RIMS2: variants seen among roughly 807,000 people sequenced by gnomAD.
RIMS2 encodes regulating synaptic membrane exocytosis 2, also known as regulating synaptic membrane exocytosis protein 2.
Under a neutral mutation model 174.4 loss-of-function variants are expected in RIMS2, and 59 were observed. That is an observed-to-expected ratio of 0.34 (90% CI 0.27 to 0.42). The LOEUF is 0.42. RIMS2 is among the 10% of genes least tolerant of loss of function. RIMS2 has a pLI of 1.00. For missense variants in RIMS2, 1,620 were observed against 1,666.3 expected (o/e 0.97, Z 0.48); for synonymous variants, 606 against 572.5 (o/e 1.06, Z -0.84).
chr8:103,814,916 A>G (rs2098709870), intron 3 of RIMS2, among the ~76,000 whole-genome samples: 1 of 152,192 alleles, frequency 6.6e-6, no homozygotes. Context: ...TAATCACATG[A>G]AAACTAATAA....
At chr8:103,530,317 T>G (rs1836413681) in intron 1 of RIMS2, among the ~76,000 whole-genome samples, 1 of 151,972 alleles carries the variant, frequency 6.6e-6, no homozygotes. Flanking sequence ...AAGTATTTAA[T>G]TAATTAAAAA....
chr8:103,884,402 T>C (rs1256330023), intron 3 of RIMS2, among the ~76,000 whole-genome samples: 1 of 151,930 alleles, frequency 6.6e-6, no homozygotes, highest in East Asian at 1.9e-4. Context: ...TCATGATTAA[T>C]AGTTGATATT....
In RIMS2 at chr8:103,888,024, C is replaced by T. The variant is rs140840285; in HGVS notation, c.1624+1801C>T. On this transcript the variant is annotated intron_variant, in intron 4 of 23. Transcript: ENST00000504942. ...ATTTCTAAAGTTAGTCTGGAAGAAA[C>T]AACACTTGTAAGAATAATTAAGAGT... 7.7e-3 allele frequency among the ~76,000 whole-genome samples: 1,166 copies of T among 151,528 alleles called. 12 individuals carry two copies. Among genetic ancestry groups the T allele is most frequent in the African/African-American group, 0.025 (1,037 of 41,450 alleles).
chr8:103,623,871 C>T (rs376285922), intron 1 of RIMS2, among the ~76,000 whole-genome samples: 84 of 151,950 alleles, frequency 5.5e-4, no homozygotes, highest in African/African-American at 1.8e-3. Context: ...GGAGATCTAT[C>T]ACATTAACTA....
rs534819213 is a variant in RIMS2 at position 103,932,285 on chromosome 8, T to C, written c.2375+892T>C. Among the ~76,000 whole-genome samples, 131 of 152,272 alleles carry C rather than the reference T, an allele frequency of 8.6e-4. 1 individual carries two copies. The highest frequency in any genetic ancestry group is 1.6e-3 in the Non-Finnish European group (106 of 68,014). On this transcript the variant is annotated intron_variant, in intron 12 of 23. Transcript: ENST00000504942. ...CATTGATTTAGTTATTTAGTTCAAG[T>C]AGAAAGTCAAGGTTGAGTTGGGTAC...
At chr8:104,103,681 AT>A (rs36124523) in intron 19 of RIMS2, among the ~76,000 whole-genome samples, 35,745 of 150,228 alleles carry the variant, frequency 0.24, 4,503 homozygotes, top group African/African-American at 0.34. Context: ...AGAAAAGGTG[AT>A]TTTTTTTTTC....
intron 19 of RIMS2, among the ~76,000 whole-genome samples, chr8:104,165,103 C>T (rs2098789089): frequency 6.6e-6 from 1 of 152,130 alleles, no homozygotes. Flanking sequence ...TTCTTTTCTT[C>T]CAAATTTTAC....
chr8:103,688,415 G>GAACT (rs2096969181), intron 1 of RIMS2, among the ~76,000 whole-genome samples: 1 of 151,968 alleles, frequency 6.6e-6, no homozygotes. Flanking sequence ...TGTATATGTT[G>GAACT]AACTATCTTT....
chr8:103,603,276 C>T (rs567117413), intron 1 of RIMS2, among the ~76,000 whole-genome samples: 1 of 151,752 alleles, frequency 6.6e-6, no homozygotes, highest in Admixed American at 6.6e-5. Flanking sequence ...CGATAGTTTA[C>T]TGAGAATGAT....
At chr8:104,062,253 A>C (rs2097013026) in intron 19 of RIMS2, among the ~76,000 whole-genome samples, 2 of 151,992 alleles carry the variant, frequency 1.3e-5, no homozygotes, top group South Asian at 4.2e-4. Flanking sequence ...AAAATACAAC[A>C]ATTAGCTGGG....
intron 3 of RIMS2, among the ~76,000 whole-genome samples, chr8:103,834,684 CTTTCTTTCTTTCTTT>C (rs2098849067): frequency 5.9e-5 from 3 of 50,702 alleles, no homozygotes; most frequent in Non-Finnish European, 1.1e-4. Context: ...CTTTTTCTTT[CTTTCTTTCTTTCTTT>C]CTTTCTTTCT....
chr8:104,006,026 C>T (rs2095563452), intron 17 of RIMS2, among the ~76,000 whole-genome samples: 1 of 151,996 alleles, frequency 6.6e-6, no homozygotes, highest in African/African-American at 2.4e-5. Flanking sequence ...CACACTTTCC[C>T]AACTGCTATC....
chr8:103,807,394 T>C (rs2098657207), intron 3 of RIMS2, among the ~76,000 whole-genome samples: 1 of 152,106 alleles, frequency 6.6e-6, no homozygotes, highest in Non-Finnish European at 1.5e-5. Context: ...GAGAACAATC[T>C]CAATAGAACA....
intron 19 of RIMS2, among the ~76,000 whole-genome samples, chr8:104,205,101 T>A (rs2099073829): frequency 6.6e-6 from 1 of 152,220 alleles, no homozygotes; most frequent in East Asian, 1.9e-4. Context: ...TCTAGCCATC[T>A]GGAGATGTTC....
intron 1 of RIMS2, among the ~76,000 whole-genome samples, chr8:103,590,032 A>C (rs572210965): frequency 2.6e-5 from 4 of 151,404 alleles, no homozygotes; most frequent in Non-Finnish European, 5.9e-5. Flanking sequence ...CAACGTGGTG[A>C]CTATAGTTAA....
chr8:103,998,344 A>G (rs2095232826), intron 17 of RIMS2: 6 of 754,776 alleles, frequency 7.9e-6, no homozygotes, highest in South Asian at 1.8e-5. Context: ...TTTTATGTAT[A>G]TACATATATG....
At chr8:104,236,884 A>G (rs1432108607) in intron 19 of RIMS2, among the ~76,000 whole-genome samples, 1 of 152,160 alleles carries the variant, frequency 6.6e-6, no homozygotes, top group African/African-American at 2.4e-5. Flanking sequence ...ACTTTAGTCA[A>G]TAGTCATATA....
intron 12 of RIMS2, among the ~76,000 whole-genome samples, chr8:103,935,458 A>T (rs1046906280): frequency 1.3e-5 from 2 of 152,242 alleles, no homozygotes; most frequent in Non-Finnish European, 2.9e-5. Flanking sequence ...TAAACTTAAA[A>T]TTCCAATGAG....
At chr8:104,203,812 ATTTCT>A (rs1045611734) in intron 19 of RIMS2, among the ~76,000 whole-genome samples, 18 of 152,048 alleles carry the variant, frequency 1.2e-4, no homozygotes, top group African/African-American at 4.3e-4. Context: ...TCTACTTTTT[ATTTCT>A]TTTAATTACA....
Sources: gnomAD v4.1 joint callset for allele counts (sites outside exome capture counted in the v4.1 genomes callset) on GRCh38, gnomAD v4.1.1 for gene constraint, MANE v1.5 for transcripts, NCBI Gene and HGNC (gene_info 2026-07-23, HGNC 2026-07-21) for gene names.